Variants in SLC7A7 observed in about 807,000 individuals in gnomAD.
SLC7A7 encodes solute carrier family 7 member 7.
SLC7A7 carries 39 observed loss-of-function variants against 47.9 expected under a neutral mutation model. The observed-to-expected ratio is 0.81, with a 90% CI of 0.63 to 1.06. SLC7A7 has a LOEUF of 1.06. Ranked by LOEUF, SLC7A7 falls within the 50% of genes least tolerant of loss-of-function variation. The pLI, the probability that SLC7A7 is intolerant of heterozygous loss-of-function variation, is 0.00. For synonymous variants in SLC7A7, 234 were observed against 242.8 expected (o/e 0.96, Z 0.34); for missense variants, 588 against 632.0 (o/e 0.93, Z 0.75).
Position 22,813,240 on chromosome 14 carries a change from C to T in SLC7A7, c.159G>A (p.Ser53=), listed in dbSNP as rs1805059. 970,671 of 1,613,394 alleles carry T rather than the reference C, an allele frequency of 0.6. 295,149 individuals carry two copies. Among genetic ancestry groups the T allele is most frequent in the East Asian group, 0.8 (35,992 of 44,866 alleles). Reference sequence around the variant, plus strand: ...CACCCTTGGGGGAAACAAAGATGCCCGAGCCGATCATGTTCCCCACAATCA... The same window carrying T: ...CACCCTTGGGGGAAACAAAGATGCCTGAGCCGATCATGTTCCCCACAATCA... ...VCLIVGNMIG[S]GIFVSPKGVL... The change falls in exon 2 of 10, where the codon TCG becomes TCA. Residue 53 remains serine (S), a synonymous_variant. Coordinates refer to ENST00000674313, the MANE Select transcript of SLC7A7 (RefSeq NM_003982.4).
chr14:22,817,487 A>C (rs953462470), upstream of SLC7A7, among the ~76,000 whole-genome samples: 3 of 152,060 alleles, frequency 2.0e-5, no homozygotes, highest in South Asian at 2.1e-4. Flanking sequence ...TTACAGGTGC[A>C]CACCACCACG....
intron 2 of SLC7A7, among the ~76,000 whole-genome samples, chr14:22,809,046 G>A (rs1335596251): frequency 1.3e-5 from 2 of 152,180 alleles, no homozygotes; most frequent in Non-Finnish European, 2.9e-5. Context: ...CAAGTGCTGT[G>A]CACCTTTCAC....
chr14:22,781,941 T>C (rs1302521910), intron 2 of SLC7A7, among the ~76,000 whole-genome samples: 1 of 152,232 alleles, frequency 6.6e-6, no homozygotes, highest in Non-Finnish European at 1.5e-5. Flanking sequence ...GGACTAGCTC[T>C]AGTTCAGACT....
upstream of SLC7A7, among the ~76,000 whole-genome samples, chr14:22,817,475 G>T (rs563061667): frequency 1.3e-4 from 20 of 152,310 alleles, no homozygotes; most frequent in South Asian, 3.9e-3. Flanking sequence ...GAGTAGCTGG[G>T]ATTACAGGTG....
rs113022928 is a variant in SLC7A7 at position 22,776,578 on chromosome 14, G to A, written c.771-260C>T. On this transcript the variant is annotated intron_variant, in intron 4 of 9. Coordinates refer to ENST00000674313, the MANE Select transcript of SLC7A7 (RefSeq NM_003982.4). ...CTGGGAGCAGTGGCTCATGCCTGTA[G>A]TACTAACACTTTGGGAGGCTGAGGC... Among the ~76,000 whole-genome samples the A allele has an allele frequency of 0.026, 3,908 of 152,194 alleles. 158 individuals carry two copies. The highest frequency in any genetic ancestry group is 0.088 in the African/African-American group (3,661 of 41,494).
rs771370491 is a variant in SLC7A7 at position 22,774,082 on chromosome 14, C to G, written c.1280G>C (p.Cys427Ser). The change falls in exon 9 of 10, where the codon TGC becomes TCC. Residue 427 changes from cysteine to serine, a missense_variant. Transcript: ENST00000674313. ...TGGAACAGCCACCAGGAAGATGGTGCAGAGGCAGAAGACAATCGGGAAGAA... is the reference window on the plus strand; with the variant it reads ...TGGAACAGCCACCAGGAAGATGGTGGAGAGGCAGAAGACAATCGGGAAGAA... ...SVFFPIVFCL[C>S]TIFLVAVPLY... is the part of the protein sequence containing the mutation. 6.2e-7 allele frequency: 1 copy of G among 1,614,142 alleles called. No individual in the cohort carries two copies. The highest frequency in any genetic ancestry group is 8.5e-7 in the Non-Finnish European group (1 of 1,180,028).
chr14:22,775,980 G>C, intron 5 of SLC7A7, 44 bp from the exon 6 acceptor site: 1 of 1,525,104 alleles, frequency 6.6e-7, no homozygotes, highest in Non-Finnish European at 9.1e-7. Flanking sequence ...ATCTAAAAGG[G>C]ATGAAAGACA....
chr14:22,784,160 C>A (rs72681916), intron 2 of SLC7A7, among the ~76,000 whole-genome samples: 6,720 of 152,310 alleles, frequency 0.044, 177 homozygotes, highest in South Asian at 0.077. Flanking sequence ...GCAAGTTAAC[C>A]TCAAGGGCAG....
At position 22,813,341 on chromosome 14, in the gene SLC7A7, A is replaced by G. The variant is rs1437964553; in HGVS notation, c.58T>C (p.Leu20=). 2.1e-5 allele frequency: 34 copies of G among 1,613,898 alleles called. No homozygotes were observed. Among genetic ancestry groups the G allele is most frequent in the African/African-American group, 2.7e-5 (2 of 74,920 alleles). ...GGCCCTGGGCTGGCCCCATCACCCA[A>G]AGGGGAGGTTTCCACCTCAGGCTGG... ...ASQPEVETSP[L]GDGASPGPEQ... Residue 20 remains leucine, a synonymous_variant, in exon 2 of 10, where the codon TTG becomes CTG. Transcript: ENST00000674313.
intron 2 of SLC7A7, among the ~76,000 whole-genome samples, chr14:22,794,127 G>A (rs922873795): frequency 2.0e-5 from 3 of 152,176 alleles, no homozygotes; most frequent in Non-Finnish European, 4.4e-5. Context: ...CAGAATGTTC[G>A]GGGAGACTGA....
At chr14:22,785,921 C>T (rs1396129319) in intron 2 of SLC7A7, among the ~76,000 whole-genome samples, 1 of 150,804 alleles carries the variant, frequency 6.6e-6, no homozygotes, top group African/African-American at 2.4e-5. Flanking sequence ...ACTCAGGAGG[C>T]TGAGGCAGGA....
chr14:22,774,242 T>C, intron 8 of SLC7A7, 112 bp downstream of exon 8: 2 of 1,594,948 alleles, frequency 1.3e-6, no homozygotes, highest in African/African-American at 2.7e-5. Flanking sequence ...AACACATTAC[T>C]AACGACCAAG....
At chr14:22,773,814 A>G (rs1336078810) in intron 9 of SLC7A7, 98 bp from the exon 10 acceptor site, 1 of 1,543,678 alleles carries the variant, frequency 6.5e-7, no homozygotes, top group Non-Finnish European at 8.9e-7. Flanking sequence ...TGATTCCACT[A>G]AGCCGAAGGG....
chr14:22,813,263 T>C lies in SLC7A7; in HGVS notation c.136A>G (p.Ile46Val). 1 of 1,613,946 alleles carries C rather than the reference T, an allele frequency of 6.2e-7. No individual in the cohort carries two copies. Among genetic ancestry groups the C allele is most frequent in the Non-Finnish European group, 8.5e-7 (1 of 1,179,820 alleles). ...EISLLNGVCL[I>V]VGNMIGSGIF... ...CCCGAGCCGATCATGTTCCCCACAA[T>C]CAGGCACACGCCGTTAAGCAGTGAG... The change falls in exon 2 of 10, where the codon ATT (isoleucine) becomes GTT (valine). Residue 46 changes from isoleucine to valine, a missense_variant. Physicochemically the swap from Ile to Val is conservative, Grantham distance 29. Transcript: ENST00000674313.
At chr14:22,813,468 A>G in intron 1 of SLC7A7, 28 bp from the exon 2 acceptor site, 1 of 1,591,316 alleles carries the variant, frequency 6.3e-7, no homozygotes, top group Admixed American at 1.7e-5. Flanking sequence ...GATGCTATAG[A>G]TTAGGTGGTT....
At chr14:22,796,626 G>A (rs1248235335) in intron 2 of SLC7A7, among the ~76,000 whole-genome samples, 2 of 152,184 alleles carry the variant, frequency 1.3e-5, no homozygotes, top group Non-Finnish European at 2.9e-5. Context: ...CACTGGTACA[G>A]GGGACATACT....
chr14:22,814,427 T>A (rs1476559625), intron 1 of SLC7A7, among the ~76,000 whole-genome samples: 1 of 151,550 alleles, frequency 6.6e-6, no homozygotes, highest in Non-Finnish European at 1.5e-5. Flanking sequence ...GAGGTTGCGG[T>A]AAGCTAAGAC....
At chr14:22,811,456 A>G (rs892193528) in intron 2 of SLC7A7, among the ~76,000 whole-genome samples, 1 of 152,242 alleles carries the variant, frequency 6.6e-6, no homozygotes, top group Non-Finnish European at 1.5e-5. Context: ...TCATCATCTC[A>G]GCACCTCCAA....
chr14:22,801,041 C>T (rs1181672708), intron 2 of SLC7A7, among the ~76,000 whole-genome samples: 1 of 152,146 alleles, frequency 6.6e-6, no homozygotes, highest in Admixed American at 6.6e-5. Context: ...GGACCCTGAC[C>T]TAGAACTGTC....
Sources: gnomAD v4.1 joint callset for allele counts (sites outside exome capture counted in the v4.1 genomes callset) on GRCh38, gnomAD v4.1.1 for gene constraint, MANE v1.5 for transcripts, NCBI Gene and HGNC (gene_info 2026-07-23, HGNC 2026-07-21) for gene names.